The following WWC2 variants were observed in gnomAD, a reference collection of about 807,000 sequenced individuals.
WWC2 encodes protein WWC2.
A neutral mutation model predicts 138.5 loss-of-function variants in WWC2; 101 were observed. That is an observed-to-expected ratio of 0.73 (90% confidence interval 0.62 to 0.86). The LOEUF (loss-of-function observed/expected upper bound fraction) is 0.86, where lower values mean the gene tolerates loss of function less well. WWC2 is among the 40% of genes least tolerant of loss of function. The pLI is 0.00. For missense variants in WWC2, 1,420 were observed against 1,419.4 expected, an observed-to-expected ratio of 1.00 and a Z score of -0.01; for synonymous variants, 558 against 538.4, an observed-to-expected ratio of 1.04 and a Z score of -0.50.
chr4:183,281,434 A>G (rs1260732436), intron 17 of WWC2: 1 of 153,244 alleles, frequency 6.5e-6, no homozygotes, highest in Non-Finnish European at 1.5e-5. Context: ...AGGTTCATTT[A>G]TATATAAAGA....
intron 1 of WWC2, among the ~76,000 whole-genome samples, chr4:183,103,299 A>G (rs972095642): frequency 6.7e-6 from 1 of 149,696 alleles, no homozygotes; most frequent in Non-Finnish European, 1.5e-5. Flanking sequence ...CGTTTGAGGC[A>G]TATGACTAGG....
chr4:183,305,847 CA>C (rs1210096005), intron 21 of WWC2, among the ~76,000 whole-genome samples: 1 of 151,954 alleles, frequency 6.6e-6, no homozygotes, highest in African/African-American at 2.4e-5. Flanking sequence ...AGGAATAAAC[CA>C]AGGTAAAATA....
intron 1 of WWC2, among the ~76,000 whole-genome samples, chr4:183,159,712 CCTT>C (rs1412411622): frequency 8.7e-5 from 1 of 11,452 alleles, no homozygotes; most frequent in Non-Finnish European, 1.9e-4. Flanking sequence ...CCTGAACTTA[CCTT>C]TTTTTTTTTT....
chr4:183,279,785 T>C (rs12643353), intron 16 of WWC2, among the ~76,000 whole-genome samples: 12,432 of 152,258 alleles, frequency 0.082, 624 homozygotes, highest in African/African-American at 0.14. Context: ...TAGTATTCTC[T>C]GAGCATCATT....
intron 1 of WWC2, among the ~76,000 whole-genome samples, chr4:183,154,324 G>A (rs1390356471): frequency 3.3e-5 from 5 of 152,120 alleles, no homozygotes; most frequent in African/African-American, 1.2e-4. Context: ...AGGACCTTAA[G>A]TCAAAGGCTT....
chr4:183,319,284 A>G lies in WWC2; in HGVS notation c.*3555A>G, dbSNP rs1739552296. 2.8e-6 allele frequency: 1 copy of G among 356,088 alleles called. No individual in the cohort carries two copies. The highest frequency in any genetic ancestry group is 5.0e-6 in the Non-Finnish European group (1 of 199,180). The allele number at this position is 356,088 out of a possible 1,614,324, so 22.1% of individuals were successfully genotyped here. A position where few individuals can be genotyped will look rare whatever the true frequency, so the allele number is the denominator to read the frequency against. On this transcript the variant is annotated 3_prime_UTR_variant, in exon 23 of 23. Coordinates refer to ENST00000403733, the MANE Select transcript of WWC2 (RefSeq NM_024949.6). Reference sequence around the variant, plus strand: ...AAAGATACATAGAGATTAATGTTTTATTTACCACTTCTGTGCAATCGCTAT... The same window carrying G: ...AAAGATACATAGAGATTAATGTTTTGTTTACCACTTCTGTGCAATCGCTAT...
At chr4:183,256,360 C>T (rs547381237) in intron 9 of WWC2, among the ~76,000 whole-genome samples, 83 of 152,306 alleles carry the variant, frequency 5.4e-4, no homozygotes, top group African/African-American at 2.0e-3. Flanking sequence ...AACACTGAAT[C>T]CTTTCTTTCC....
chr4:183,278,393 G>A (rs1265373325), intron 16 of WWC2, among the ~76,000 whole-genome samples: 3 of 152,108 alleles, frequency 2.0e-5, no homozygotes, highest in African/African-American at 7.2e-5. Context: ...TTGTAGTATA[G>A]TTTGAAGTCA....
At chr4:183,118,680 A>T (rs1179985689) in intron 1 of WWC2, among the ~76,000 whole-genome samples, 3 of 152,200 alleles carry the variant, frequency 2.0e-5, no homozygotes, top group Non-Finnish European at 4.4e-5. Context: ...TGTTACTGTG[A>T]CCATAATTAT....
chr4:183,284,484 G>A lies in WWC2; in HGVS notation c.3048+94G>A, dbSNP rs1227438595. The A allele has an allele frequency of 6.4e-6, 9 of 1,396,944 alleles. No homozygotes were observed. The African/African-American group carries it at 1.1e-4, about 18-fold the overall frequency. 86.5% of individuals were successfully genotyped at this position (1,396,944 alleles called of 1,614,324 possible). ...GCAAAGGACAAGAGACTGTGCACTG[G>A]GAGTCCACATGACAACGACAAATGC... On this transcript the variant is annotated intron_variant, in intron 19 of 22. Coordinates refer to ENST00000403733, the MANE Select transcript of WWC2 (RefSeq NM_024949.6).
Position 183,319,476 on chromosome 4 carries a change from A to G in WWC2, c.*3747A>G, listed in dbSNP as rs986371714. 2.2e-6 allele frequency: 3 copies of G among 1,363,850 alleles called. No individual in the cohort carries two copies. The highest frequency in any genetic ancestry group is 2.9e-5 in the African/African-American group (2 of 68,400). The allele number at this position is 1,363,850 out of a possible 1,614,324, so 84.5% of individuals were successfully genotyped here. ...ATTTTCAAAAATCAAAAGCACAGTG[A>G]GATGACTAGAGCGGGACATCCTACC... On this transcript the variant is annotated 3_prime_UTR_variant, in exon 23 of 23. Coordinates refer to ENST00000403733, the MANE Select transcript of WWC2 (RefSeq NM_024949.6).
intron 5 of WWC2, 187 bp downstream of exon 5, chr4:183,240,449 G>A: frequency 2.1e-6 from 1 of 477,580 alleles, no homozygotes; most frequent in Non-Finnish European, 3.6e-6. Flanking sequence ...AAAGATCTAT[G>A]CACTTGAAAA....
intron 9 of WWC2, among the ~76,000 whole-genome samples, chr4:183,254,427 A>G (rs902806994): frequency 1.3e-5 from 2 of 152,200 alleles, no homozygotes; most frequent in Admixed American, 1.3e-4. Context: ...CCTCCCTGTG[A>G]TACCCTAACA....
chr4:183,120,831 A>G (rs1360083900), intron 1 of WWC2, among the ~76,000 whole-genome samples: 3 of 152,146 alleles, frequency 2.0e-5, no homozygotes, highest in African/African-American at 7.2e-5. Flanking sequence ...ATCATGGCTG[A>G]CTGACCTCCT....
chr4:183,245,225 T>TAAAA (rs746541290), intron 5 of WWC2, among the ~76,000 whole-genome samples, 191 bp from the exon 6 acceptor site: 4 of 69,478 alleles, frequency 5.8e-5, no homozygotes, highest in Admixed American at 1.8e-4. Flanking sequence ...AGACTCCATC[T>TAAAA]AAAAAAAAAA....
At chr4:183,253,693 G>T in intron 8 of WWC2, 64 bp from the exon 9 acceptor site, 1 of 1,562,278 alleles carries the variant, frequency 6.4e-7, no homozygotes, top group South Asian at 1.2e-5. Flanking sequence ...TTTGGCTTAG[G>T]CTGTGTTTAC....
At chr4:183,172,451 A>G (rs1335994689) in intron 1 of WWC2, among the ~76,000 whole-genome samples, 1 of 152,016 alleles carries the variant, frequency 6.6e-6, no homozygotes, top group Non-Finnish European at 1.5e-5. Flanking sequence ...CTAGGGACAT[A>G]ATTCCAGGTT....
Position 183,267,962 on chromosome 4 carries a change from G to T in WWC2, c.2208-1009G>T, listed in dbSNP as rs150022913. 3.9e-3 allele frequency among the ~76,000 whole-genome samples: 593 copies of T among 152,176 alleles called. 3 individuals carry two copies. Among genetic ancestry groups the T allele is most frequent in the African/African-American group, 0.013 (558 of 41,496 alleles). ...ATTATTAATTGTGACAAGCAGAAAA[G>T]ATTTTCTTCTGCTGAATCTTCGGCC... is the stretch of plus-strand genomic sequence containing the variant. On this transcript the variant is annotated intron_variant, in intron 14 of 22. Coordinates refer to ENST00000403733, the MANE Select transcript of WWC2 (RefSeq NM_024949.6).
intron 1 of WWC2, among the ~76,000 whole-genome samples, chr4:183,103,953 A>G (rs758485046): frequency 6.6e-6 from 1 of 150,524 alleles, no homozygotes; most frequent in African/African-American, 2.4e-5. Flanking sequence ...CTTTCTTTCA[A>G]AGTCTAAGTA....
Sources: gnomAD v4.1 joint callset for allele counts (sites outside exome capture counted in the v4.1 genomes callset) on GRCh38, gnomAD v4.1.1 for gene constraint, MANE v1.5 for transcripts, NCBI Gene and HGNC (gene_info 2026-07-23, HGNC 2026-07-21) for gene names.